The following ATG4B variants were observed in gnomAD, a reference collection of about 807,000 sequenced individuals.
The protein encoded by ATG4B is autophagy related 4B cysteine peptidase.
A neutral mutation model predicts 56.6 loss-of-function variants in ATG4B; 29 were observed. That is an observed-to-expected ratio of 0.51 (90% CI 0.38 to 0.70). ATG4B has a LOEUF of 0.70. Ranked by LOEUF, ATG4B falls within the 30% of genes least tolerant of loss-of-function variation. ATG4B has a pLI of 0.00. For synonymous variants in ATG4B, 224 were observed against 206.1 expected, an observed-to-expected ratio of 1.09 and a Z score of -0.74; for missense variants, 461 against 515.5, an observed-to-expected ratio of 0.89 and a Z score of 1.02.
intron 1 of ATG4B, among the ~76,000 whole-genome samples, chr2:241,638,089 C>A (rs1456984184): frequency 6.6e-6 from 1 of 151,010 alleles, no homozygotes; most frequent in Non-Finnish European, 1.5e-5. Flanking sequence ...ACGGGGCGGC[C>A]GCGGTCCGGG....
intron 7 of ATG4B, among the ~76,000 whole-genome samples, chr2:241,662,994 G>A (rs1282489793): frequency 2.0e-5 from 3 of 152,164 alleles, no homozygotes; most frequent in Non-Finnish European, 2.9e-5. Flanking sequence ...CCAGCACTTC[G>A]GGAGGCCAAG....
intron 1 of ATG4B, among the ~76,000 whole-genome samples, chr2:241,646,596 A>G (rs2068065910): frequency 6.6e-6 from 1 of 152,098 alleles, no homozygotes; most frequent in Admixed American, 6.6e-5. Flanking sequence ...ATGCCTCCAG[A>G]TACTCTCGAG....
At chr2:241,670,291 G>A (rs1285836831) in intron 10 of ATG4B, among the ~76,000 whole-genome samples, 3 of 152,002 alleles carry the variant, frequency 2.0e-5, no homozygotes, top group Admixed American at 1.3e-4. Flanking sequence ...CCTGTGTCAC[G>A]GTGTCCTTGG....
chr2:241,657,802 C>A (rs1278927615), intron 6 of ATG4B, among the ~76,000 whole-genome samples: 1 of 152,228 alleles, frequency 6.6e-6, no homozygotes, highest in Non-Finnish European at 1.5e-5. Flanking sequence ...AACAGCAGAG[C>A]CATCTGCATA....
chr2:241,666,532 C>A, intron 7 of ATG4B, 113 bp from the exon 8 acceptor site: 3 of 1,110,328 alleles, frequency 2.7e-6, no homozygotes, highest in Non-Finnish European at 4.0e-6. Context: ...TCACTGTAAG[C>A]ACCTGGCTTT....
intron 1 of ATG4B, among the ~76,000 whole-genome samples, chr2:241,639,838 T>A (rs1575051221): frequency 6.6e-6 from 1 of 152,138 alleles, no homozygotes; most frequent in East Asian, 1.9e-4. Context: ...AGTAGGTATA[T>A]GTAAAATAGG....
chr2:241,672,000 C>G, intron 12 of ATG4B, 191 bp from the exon 13 acceptor site: 1 of 1,422,228 alleles, frequency 7.0e-7, no homozygotes, highest in Non-Finnish European at 9.2e-7. Context: ...CTGCCCTGCT[C>G]CTCTTCTCTG....
rs754566516 is a variant in ATG4B at position 241,637,706 on chromosome 2, A to G, written c.-9A>G. On this transcript the variant is annotated 5_prime_UTR_variant, in exon 1 of 13. Coordinates refer to ENST00000404914, the MANE Select transcript of ATG4B (RefSeq NM_013325.5). ...GCCGCTCGGGTCAGTCGGCGGCCGG[A>G]CTGGGAAGATGGACGCAGGTGAGGA... 3.8e-6 allele frequency: 6 copies of G among 1,583,344 alleles called. No individual in the cohort carries two copies. The highest frequency in any genetic ancestry group is 2.6e-6 in the Non-Finnish European group (3 of 1,167,716).
At chr2:241,670,463 C>G in intron 10 of ATG4B, 3 of 560,204 alleles carry the variant, frequency 5.4e-6, no homozygotes, top group Non-Finnish European at 6.4e-6. Context: ...TTGAGAGATG[C>G]ACACCACGTA....
intron 8 of ATG4B, 107 bp downstream of exon 8, chr2:241,666,945 C>A: frequency 7.5e-7 from 1 of 1,333,850 alleles, no homozygotes; most frequent in Non-Finnish European, 1.0e-6. Context: ...AGCCGGCTCT[C>A]GGGGGAGGGG....
chr2:241,643,398 G>A (rs2125113238), intron 1 of ATG4B, among the ~76,000 whole-genome samples: 1 of 143,968 alleles, frequency 6.9e-6, no homozygotes, highest in South Asian at 2.2e-4. Context: ...AGAGAGACAG[G>A]GTCTCCCTGT....
At chr2:241,663,026 A>G (rs1044910012) in intron 7 of ATG4B, among the ~76,000 whole-genome samples, 2 of 152,172 alleles carry the variant, frequency 1.3e-5, no homozygotes, top group Non-Finnish European at 2.9e-5. Flanking sequence ...ACATGAGGTC[A>G]GGAGTTAAAG....
At chr2:241,653,058 G>A (rs925214526) in intron 3 of ATG4B, among the ~76,000 whole-genome samples, 9 of 152,248 alleles carry the variant, frequency 5.9e-5, no homozygotes, top group Admixed American at 2.0e-4. Context: ...GGGAGTGGCC[G>A]TGAGGGCAGG....
At chr2:241,647,732 A>G (rs1451378566) in intron 1 of ATG4B, among the ~76,000 whole-genome samples, 1 of 152,162 alleles carries the variant, frequency 6.6e-6, no homozygotes, top group Non-Finnish European at 1.5e-5. Context: ...TAAAGCCTAC[A>G]GGTCAAAGAA....
intron 12 of ATG4B, 76 bp from the exon 13 acceptor site, chr2:241,672,115 C>T: frequency 6.5e-7 from 1 of 1,538,786 alleles, no homozygotes; most frequent in Non-Finnish European, 8.8e-7. Context: ...TCAGTCTGCC[C>T]CACGCCAAGG....
chr2:241,637,799 G>C (rs886199669), intron 1 of ATG4B, 75 bp downstream of exon 1: 3 of 1,465,646 alleles, frequency 2.0e-6, no homozygotes, highest in African/African-American at 1.5e-5. Flanking sequence ...CTCGGGTCGG[G>C]CTGCCGCGAC....
intron 1 of ATG4B, 122 bp downstream of exon 1, chr2:241,637,846 CGGGGCGGCGGGCGCTGCGGGAGCGCG>C: frequency 2.2e-6 from 2 of 891,850 alleles, no homozygotes; most frequent in Non-Finnish European, 2.8e-6. Flanking sequence ...CAGGCTGGGC[CGGGGCGGCGGGCGCTGCGGGAGCGCG>C]GGGCGGTGTT....
rs1159207293 is a variant in ATG4B, at chr2:241,672,515, A to C, written c.*251A>C. On this transcript the variant is annotated 3_prime_UTR_variant, in exon 13 of 13. Transcript: ENST00000404914. The stretch of plus-strand genomic sequence containing the variant: ...GCGGAGCCGTCTGTTAGGAGCTTCC[A>C]GAGTGTTCTCTCGACACTGCCAGCC... 4 of 555,392 alleles carry C rather than the reference A, an allele frequency of 7.2e-6. No homozygotes were observed. The highest frequency in any genetic ancestry group is 1.3e-5 in the Non-Finnish European group (4 of 310,172). 34.4% of individuals were successfully genotyped at this position (555,392 alleles called of 1,614,324 possible).
At chr2:241,646,489 T>TA (rs1559250672) in intron 1 of ATG4B, among the ~76,000 whole-genome samples, 2 of 152,212 alleles carry the variant, frequency 1.3e-5, no homozygotes, top group African/African-American at 4.8e-5. Flanking sequence ...TGGTTTGACT[T>TA]ACAATTTTTT....
Sources: gnomAD v4.1 joint callset for allele counts (sites outside exome capture counted in the v4.1 genomes callset) on GRCh38, gnomAD v4.1.1 for gene constraint, MANE v1.5 for transcripts, NCBI Gene and HGNC (gene_info 2026-07-23, HGNC 2026-07-21) for gene names.